The following COPS3 variants were observed in gnomAD, a reference collection of about 807,000 sequenced individuals.
COPS3 encodes COP9 signalosome subunit 3.
COPS3 carries 10 observed loss-of-function variants against 58.2 expected under a neutral mutation model. That is an observed-to-expected ratio of 0.17 (90% CI 0.11 to 0.29). COPS3 has a LOEUF of 0.29. Ranked by LOEUF, COPS3 falls within the 10% of genes least tolerant of loss-of-function variation. The pLI, the probability that COPS3 is intolerant of heterozygous loss-of-function variation, is 1.00. For missense variants in COPS3, 333 were observed against 510.1 expected, an observed-to-expected ratio of 0.65 and a Z score of 3.34; for synonymous variants, 187 against 181.7, an observed-to-expected ratio of 1.03 and a Z score of -0.24.
chr17:17,252,840 G>A (rs1399869774), intron 9 of COPS3, among the ~76,000 whole-genome samples: 4 of 152,226 alleles, frequency 2.6e-5, no homozygotes, highest in Admixed American at 2.6e-4. Flanking sequence ...ACAAGTCATA[G>A]AGGTATGGTT....
chr17:17,249,540 TG>T (rs1477171529), intron 9 of COPS3, among the ~76,000 whole-genome samples: 3 of 152,124 alleles, frequency 2.0e-5, no homozygotes, highest in Admixed American at 1.3e-4. Flanking sequence ...TTGCCCAGGC[TG>T]GAGTGTAATG....
intron 8 of COPS3, among the ~76,000 whole-genome samples, chr17:17,256,142 G>A (rs1403337155): frequency 6.8e-6 from 1 of 146,858 alleles, no homozygotes; most frequent in African/African-American, 2.5e-5. Flanking sequence ...TCACGCCACT[G>A]CACTCCAGCC....
intron 6 of COPS3, among the ~76,000 whole-genome samples, chr17:17,263,758 C>A (rs547139921): frequency 2.0e-5 from 3 of 152,218 alleles, no homozygotes; most frequent in Non-Finnish European, 4.4e-5. Flanking sequence ...AGGTGATCCG[C>A]CGGCCTCGGC....
chr17:17,260,240 A>T, intron 8 of COPS3, 61 bp downstream of exon 8: 1 of 1,523,492 alleles, frequency 6.6e-7, no homozygotes, highest in Non-Finnish European at 9.0e-7. Context: ...AAAGGGAGAG[A>T]AAGGGAAACA....
intron 8 of COPS3, among the ~76,000 whole-genome samples, chr17:17,259,960 G>A (rs1029963076): frequency 6.6e-6 from 1 of 151,856 alleles, no homozygotes; most frequent in Non-Finnish European, 1.5e-5. Context: ...TTGCAAGGCT[G>A]GTGACAGTGC....
Position 17,274,701 on chromosome 17 carries a change from A to T in COPS3, c.185+1334T>A, listed in dbSNP as rs967874482. Among the ~76,000 whole-genome samples, 8 of 151,116 alleles carry T rather than the reference A, an allele frequency of 5.3e-5. No homozygotes were observed. In the South Asian group the frequency reaches 6.3e-4, roughly 12 times the overall value. ...GCCTCCCAAAGTGCCGGGATTACAG[A>T]TGTAAGCCACTGTGTCTGGCCTAAT... On this transcript the variant is annotated intron_variant, in intron 2 of 11. Coordinates refer to ENST00000268717, the MANE Select transcript of COPS3 (RefSeq NM_003653.4).
intron 1 of COPS3, among the ~76,000 whole-genome samples, 193 bp downstream of exon 1, chr17:17,280,939 C>T (rs1248580427): frequency 1.3e-5 from 2 of 152,024 alleles, no homozygotes; most frequent in Admixed American, 1.3e-4. Flanking sequence ...GCGAGGACAG[C>T]GGAGCGCGAG....
At chr17:17,276,655 G>A (rs904541152) in intron 1 of COPS3, among the ~76,000 whole-genome samples, 6 of 150,462 alleles carry the variant, frequency 4.0e-5, no homozygotes, top group Non-Finnish European at 5.9e-5. Context: ...TACAACCTCC[G>A]CCCTCCAAGT....
chr17:17,260,154 C>G, intron 8 of COPS3, 147 bp downstream of exon 8: 2 of 783,410 alleles, frequency 2.6e-6, no homozygotes, highest in East Asian at 2.5e-5. Context: ...TTCTAAGAAG[C>G]CAATCACAAG....
intron 4 of COPS3, among the ~76,000 whole-genome samples, chr17:17,268,627 T>C (rs2048278047): frequency 6.6e-6 from 1 of 152,166 alleles, no homozygotes; most frequent in South Asian, 2.1e-4. Context: ...AAGATTATCC[T>C]GGCCAACATG....
intron 2 of COPS3, among the ~76,000 whole-genome samples, chr17:17,272,620 A>C (rs1441417102): frequency 6.6e-6 from 1 of 152,024 alleles, no homozygotes; most frequent in Non-Finnish European, 1.5e-5. Context: ...ATTGAATGAA[A>C]ATATTGGCTG....
intron 9 of COPS3, among the ~76,000 whole-genome samples, chr17:17,250,318 G>C (rs1202663609): frequency 7.3e-6 from 1 of 136,496 alleles, no homozygotes; most frequent in Non-Finnish European, 1.5e-5. Flanking sequence ...GCAGTGGCTT[G>C]ATCTCTGCTC....
intron 2 of COPS3, among the ~76,000 whole-genome samples, chr17:17,275,064 A>G (rs1260909281): frequency 1.3e-5 from 2 of 150,256 alleles, no homozygotes; most frequent in South Asian, 2.1e-4. Flanking sequence ...CCCCCTTAGT[A>G]TGTTCTCAAA....
At chr17:17,257,558 G>A (rs2084905169) in intron 8 of COPS3, among the ~76,000 whole-genome samples, 1 of 151,828 alleles carries the variant, frequency 6.6e-6, no homozygotes, top group South Asian at 2.1e-4. Context: ...AGCACTTTGG[G>A]AGGCTGAGGC....
At chr17:17,269,766 G>C (rs1011790685) in intron 4 of COPS3, among the ~76,000 whole-genome samples, 3 of 152,174 alleles carry the variant, frequency 2.0e-5, no homozygotes, top group African/African-American at 7.2e-5. Flanking sequence ...ATAGTACACT[G>C]TCCAAACAGC....
At chr17:17,275,767 C>G (rs2048448030) in intron 2 of COPS3, among the ~76,000 whole-genome samples, 1 of 152,112 alleles carries the variant, frequency 6.6e-6, no homozygotes, top group Non-Finnish European at 1.5e-5. Context: ...CATGGTGAAA[C>G]CCTGTCTCTA....
At chr17:17,255,502 A>G (rs2047951628) in intron 8 of COPS3, among the ~76,000 whole-genome samples, 1 of 151,828 alleles carries the variant, frequency 6.6e-6, no homozygotes, top group African/African-American at 2.4e-5. Flanking sequence ...AAAAGTGTAC[A>G]GAGCTCTTCC....
In COPS3 at chr17:17,250,254, C is replaced by CTTT. The variant is rs113179216; in HGVS notation, c.1024-1218_1024-1216dup. On this transcript the variant is annotated intron_variant, in intron 9 of 11. Coordinates refer to ENST00000268717, the MANE Select transcript of COPS3 (RefSeq NM_003653.4). ...TGCACTGAAATATAACTTACATCGC[C>CTTT]TTTTTTTTTTTTTTTTTTGAGATGG... 8.6e-5 allele frequency among the ~76,000 whole-genome samples: 11 copies of CTTT among 127,640 alleles called. 1 individual carries two copies. Among genetic ancestry groups the CTTT allele is most frequent in the East Asian group, 2.2e-4 (1 of 4,534 alleles). The allele number at this position is 127,640 out of a possible 152,430, so 83.7% of individuals were successfully genotyped here.
Position 17,275,986 on chromosome 17 carries a change from A to T in COPS3, c.185+49T>A, listed in dbSNP as rs780018549. On this transcript the variant is annotated intron_variant, in intron 2 of 11. Coordinates refer to ENST00000268717, the MANE Select transcript of COPS3 (RefSeq NM_003653.4). Reference sequence around the variant, plus strand: ...ATAAAAATAAAGCCAGGAAGTGCACAGTGTTCCATTTTAACAAGCACAGAA... The same window carrying T: ...ATAAAAATAAAGCCAGGAAGTGCACTGTGTTCCATTTTAACAAGCACAGAA... 9 of 1,529,968 alleles carry T rather than the reference A, an allele frequency of 5.9e-6. No individual in the cohort carries two copies. In the Admixed American group the frequency reaches 1.5e-4, roughly 26 times the overall value. The allele number at this position is 1,529,968 out of a possible 1,614,324, so 94.8% of individuals were successfully genotyped here. A position where few individuals can be genotyped will look rare whatever the true frequency, so the allele number is the denominator to read the frequency against.
Sources: allele counts gnomAD v4.1 joint callset (sites outside exome capture counted in the v4.1 genomes callset), GRCh38; gene constraint gnomAD v4.1.1; transcripts MANE v1.5; gene names NCBI Gene and HGNC (gene_info 2026-07-23, HGNC 2026-07-21).